DTWD2: variants seen among roughly 807,000 people sequenced by gnomAD.
DTWD2 encodes the protein DTW motif tRNA-uridine aminocarboxypropyltransferase 2, also known as tRNA-uridine aminocarboxypropyltransferase 2.
Under a neutral mutation model 31.8 loss-of-function variants are expected in DTWD2, and 39 were observed. The ratio of observed to expected loss-of-function variants is 1.22; its 90% CI spans 0.95 to 1.60. The LOEUF (loss-of-function observed/expected upper bound fraction) is 1.60, where lower values mean the gene tolerates loss of function less well. Ranked by LOEUF, DTWD2 falls within the 40% of genes most tolerant of loss-of-function variation. The pLI is 0.00. For synonymous variants in DTWD2, 180 were observed against 142.8 expected, an observed-to-expected ratio of 1.26 and a Z score of -1.86; for missense variants, 515 against 381.5, an observed-to-expected ratio of 1.35 and a Z score of -2.92.
chr5:118,871,133 G>A (rs1320207758), intron 4 of DTWD2, among the ~76,000 whole-genome samples: 1 of 152,016 alleles, frequency 6.6e-6, no homozygotes. Context: ...TTCATAAGAA[G>A]CAAATCCTCA....
At chr5:118,851,691 G>A (rs1038585202) in intron 4 of DTWD2, among the ~76,000 whole-genome samples, 3 of 127,852 alleles carry the variant, frequency 2.3e-5, no homozygotes, top group African/African-American at 8.8e-5. Context: ...GCCTGTTGTG[G>A]GGTGGGGGGA....
intron 4 of DTWD2, among the ~76,000 whole-genome samples, chr5:118,849,867 G>C (rs1336054346): frequency 5.9e-5 from 9 of 151,976 alleles, no homozygotes; most frequent in Non-Finnish European, 1.2e-4. Flanking sequence ...CACACACCAG[G>C]GCCTGTTGGG....
At position 118,954,976 on chromosome 5, in the gene DTWD2, CA is replaced by C. The variant is rs541053720; in HGVS notation, c.219-10328del. 4.4e-3 allele frequency among the ~76,000 whole-genome samples: 676 copies of C among 152,114 alleles called. 6 individuals carry two copies. Among genetic ancestry groups the C allele is most frequent in the African/African-American group, 0.015 (637 of 41,484 alleles). On this transcript the variant is annotated intron_variant, in intron 1 of 5. Transcript: ENST00000510708. ...GTACTTAAGTAATTCATTTGTATTA[CA>C]AATGAAATTCAGAGTGTCAGGTCTT...
chr5:118,849,115 C>A (rs1415634326), intron 4 of DTWD2, among the ~76,000 whole-genome samples: 1 of 152,140 alleles, frequency 6.6e-6, no homozygotes, highest in East Asian at 1.9e-4. Context: ...AAAAATTTTG[C>A]AATCTGTCCA....
intron 4 of DTWD2, among the ~76,000 whole-genome samples, chr5:118,871,311 CCT>C (rs769166998): frequency 3.3e-5 from 5 of 152,156 alleles, no homozygotes; most frequent in African/African-American, 1.2e-4. Flanking sequence ...CTTCCAAACT[CCT>C]GTTATTATTT....
intron 4 of DTWD2, among the ~76,000 whole-genome samples, chr5:118,875,360 C>G (rs993821125): frequency 6.6e-6 from 1 of 152,004 alleles, no homozygotes; most frequent in African/African-American, 2.4e-5. Context: ...TCAATACTAT[C>G]CTTAAATGTA....
In DTWD2 at chr5:118,988,282, C is replaced by G. The variant is rs762261990; in HGVS notation, c.218+12G>C. ...TGCCGGCTGCAGTCCCCGCCCCCAG[C>G]CCCGCGGTCACCTGCAGCGGGTGCA... On this transcript the variant is annotated intron_variant, in intron 1 of 5. Transcript: ENST00000510708. 1 of 1,524,716 alleles carries G rather than the reference C, an allele frequency of 6.6e-7. No homozygotes were observed. Among genetic ancestry groups the G allele is most frequent in the South Asian group, 1.2e-5 (1 of 82,068 alleles). The allele number at this position is 1,524,716 out of a possible 1,614,324, so 94.4% of individuals were successfully genotyped here.
chr5:118,973,807 A>C, intron 1 of DTWD2: 2 of 1,612,250 alleles, frequency 1.2e-6, no homozygotes, highest in Middle Eastern at 2.0e-4. Context: ...TGTCAGACGC[A>C]GCCGTAGACA....
chr5:118,908,614 G>C (rs1753386887), intron 4 of DTWD2, among the ~76,000 whole-genome samples: 1 of 147,634 alleles, frequency 6.8e-6, no homozygotes, highest in Non-Finnish European at 1.5e-5. Context: ...AACTTCTAGG[G>C]AAACCGACAA....
intron 1 of DTWD2, among the ~76,000 whole-genome samples, chr5:118,946,092 C>A (rs1754333417): frequency 6.6e-6 from 1 of 152,150 alleles, no homozygotes; most frequent in African/African-American, 2.4e-5. Context: ...AAGAAACTGC[C>A]AAATCTATGC....
intron 4 of DTWD2, among the ~76,000 whole-genome samples, chr5:118,863,091 T>C (rs1348299560): frequency 6.6e-6 from 1 of 152,232 alleles, no homozygotes; most frequent in African/African-American, 2.4e-5. Context: ...CCACGTTTAG[T>C]AACATATTCT....
chr5:118,861,895 C>T (rs1380798473), intron 4 of DTWD2, among the ~76,000 whole-genome samples: 1 of 152,136 alleles, frequency 6.6e-6, no homozygotes, highest in African/African-American at 2.4e-5. Context: ...AGCTGAAGAG[C>T]CAAAATCACA....
intron 5 of DTWD2, among the ~76,000 whole-genome samples, chr5:118,842,700 A>T (rs1371661015): frequency 6.6e-6 from 1 of 151,964 alleles, no homozygotes; most frequent in Non-Finnish European, 1.5e-5. Context: ...TGGGAGGCTG[A>T]TGCAGGAGGA....
intron 4 of DTWD2, among the ~76,000 whole-genome samples, chr5:118,867,777 C>G (rs1488487498): frequency 6.6e-6 from 1 of 151,962 alleles, no homozygotes; most frequent in Non-Finnish European, 1.5e-5. Flanking sequence ...ACGAAGACAC[C>G]AATAAATGGA....
intron 4 of DTWD2, among the ~76,000 whole-genome samples, chr5:118,864,636 ATTTTAT>A (rs1370414599): frequency 6.9e-6 from 1 of 144,978 alleles, no homozygotes; most frequent in African/African-American, 2.7e-5. Context: ...TTTTTATTTT[ATTTTAT>A]TTTTTTTTTA....
intron 4 of DTWD2, among the ~76,000 whole-genome samples, chr5:118,881,435 A>C (rs757505287): frequency 8.5e-5 from 13 of 152,214 alleles, no homozygotes; most frequent in Non-Finnish European, 1.5e-4. Flanking sequence ...TGAAAGTATT[A>C]TTTCTTTCTA....
At chr5:118,875,217 A>G (rs1289901421) in intron 4 of DTWD2, among the ~76,000 whole-genome samples, 1 of 152,204 alleles carries the variant, frequency 6.6e-6, no homozygotes, top group African/African-American at 2.4e-5. Flanking sequence ...CTAAATATGG[A>G]AAGGAAAGAC....
At chr5:118,976,674 G>C (rs898609413) in intron 1 of DTWD2, among the ~76,000 whole-genome samples, 1 of 152,158 alleles carries the variant, frequency 6.6e-6, no homozygotes, top group Admixed American at 6.5e-5. Flanking sequence ...CCGATAACAA[G>C]TTCTGAAATT....
chr5:118,915,831 GTTACCC>G (rs1369234594), intron 4 of DTWD2, among the ~76,000 whole-genome samples: 1 of 152,132 alleles, frequency 6.6e-6, no homozygotes, highest in East Asian at 1.9e-4. Flanking sequence ...TAGTCCTCTG[GTTACCC>G]TTGTCCTTTA....
Sources: allele counts gnomAD v4.1 joint callset (sites outside exome capture counted in the v4.1 genomes callset), GRCh38; gene constraint gnomAD v4.1.1; transcripts MANE v1.5; gene names NCBI Gene and HGNC (gene_info 2026-07-23, HGNC 2026-07-21).